FAM117A: variants seen among roughly 807,000 people sequenced by gnomAD.
FAM117A encodes the protein protein FAM117A.
FAM117A carries 21 observed loss-of-function variants against 44.1 expected under a neutral mutation model. That is an observed-to-expected ratio of 0.48 (90% confidence interval 0.34 to 0.69). FAM117A has a LOEUF of 0.69. FAM117A is among the 30% of genes least tolerant of loss of function. FAM117A has a pLI of 0.01. For synonymous variants in FAM117A, 220 were observed against 238.3 expected (o/e 0.92, Z 0.71); for missense variants, 498 against 589.9 (o/e 0.84, Z 1.61).
chr17:49,743,654 G>A (rs192204797), intron 1 of FAM117A, among the ~76,000 whole-genome samples: 54 of 151,860 alleles, frequency 3.6e-4, no homozygotes, highest in African/African-American at 1.2e-3. Flanking sequence ...GCATGAACCC[G>A]GGAGGTGGAG....
chr17:49,762,600 C>A (rs1444739329), intron 1 of FAM117A, among the ~76,000 whole-genome samples: 2 of 152,196 alleles, frequency 1.3e-5, no homozygotes, highest in Admixed American at 1.3e-4. Flanking sequence ...AATAGCCCTG[C>A]AGAAGCAGGA....
At chr17:49,768,981 C>A (rs149830109), upstream of FAM117A, among the ~76,000 whole-genome samples, 200 of 152,320 alleles carry the variant, frequency 1.3e-3, no homozygotes, top group African/African-American at 4.6e-3. Context: ...ACTTTCCTTG[C>A]TAAATGGCAG....
At chr17:49,754,022 C>T (rs1313547795) in intron 1 of FAM117A, among the ~76,000 whole-genome samples, 2 of 152,196 alleles carry the variant, frequency 1.3e-5, no homozygotes, top group Non-Finnish European at 2.9e-5. Context: ...ATGTGGTTCA[C>T]ATAGCCCTTC....
intron 1 of FAM117A, among the ~76,000 whole-genome samples, chr17:49,733,967 C>T (rs146985054): frequency 0.011 from 1,637 of 151,458 alleles, 32 homozygotes; most frequent in East Asian, 0.099. Flanking sequence ...ACGGTGAAGC[C>T]GCGTCTCTAC....
At chr17:49,788,667 C>A (rs763868130), upstream of FAM117A, 15 of 649,076 alleles carry the variant, frequency 2.3e-5, no homozygotes, top group Non-Finnish European at 2.9e-5. Context: ...AGCGCTTCAG[C>A]CCGCGGCGCC....
chr17:49,782,040 T>G (rs1043382429), intron 1 of FAM117A, among the ~76,000 whole-genome samples: 7 of 151,804 alleles, frequency 4.6e-5, no homozygotes, highest in African/African-American at 1.7e-4. Flanking sequence ...GCACATAAAA[T>G]GTATGCATGA....
At chr17:49,781,428 A>G (rs2143806685) in intron 1 of FAM117A, among the ~76,000 whole-genome samples, 1 of 152,348 alleles carries the variant, frequency 6.6e-6, no homozygotes, top group East Asian at 1.9e-4. Context: ...TGATGATGAC[A>G]CTGTAAATTG....
At chr17:49,748,657 GATTA>G (rs2073663161) in intron 1 of FAM117A, among the ~76,000 whole-genome samples, 1 of 152,110 alleles carries the variant, frequency 6.6e-6, no homozygotes, top group Non-Finnish European at 1.5e-5. Context: ...CCATGGTCAG[GATTA>G]ATTAAGTCTA....
intron 1 of FAM117A, among the ~76,000 whole-genome samples, chr17:49,745,359 A>G (rs1406869831): frequency 6.6e-6 from 1 of 152,248 alleles, no homozygotes; most frequent in Admixed American, 6.5e-5. Flanking sequence ...TCTATCAGGA[A>G]GAGTTGTCAA....
chr17:49,722,909 C>T (rs2073541962), intron 2 of FAM117A, among the ~76,000 whole-genome samples: 1 of 152,166 alleles, frequency 6.6e-6, no homozygotes, highest in African/African-American at 2.4e-5. Context: ...AGTATTGCCA[C>T]TCCTATCCCA....
rs941588574 is a variant in FAM117A at position 49,720,096 on chromosome 17, G to A, written c.574-202C>T. 4.4e-5 allele frequency: 32 copies of A among 730,970 alleles called. No homozygotes were observed. In the African/African-American group the frequency reaches 5.5e-4, roughly 13 times the overall value. The allele number at this position is 730,970 out of a possible 1,614,324, so 45.3% of individuals were successfully genotyped here. On this transcript the variant is annotated intron_variant, in intron 4 of 7. Transcript: ENST00000240364. ...AGCTTTGCAGAGTCTACTGTGTGCTGTAGAGTCATTGCCTCAATTATATGG... is the reference window on the plus strand; with the variant it reads ...AGCTTTGCAGAGTCTACTGTGTGCTATAGAGTCATTGCCTCAATTATATGG...
intron 1 of FAM117A, among the ~76,000 whole-genome samples, chr17:49,759,498 G>A (rs981714950): frequency 6.6e-6 from 1 of 152,180 alleles, no homozygotes; most frequent in African/African-American, 2.4e-5. Context: ...GTTTTAGAAG[G>A]GGAATTGTAG....
At chr17:49,784,235 A>G (rs2073798657) in intron 1 of FAM117A, among the ~76,000 whole-genome samples, 1 of 152,266 alleles carries the variant, frequency 6.6e-6, no homozygotes, top group African/African-American at 2.4e-5. Flanking sequence ...AAGTAAGGAA[A>G]TAACACAAGC....
chr17:49,723,265 C>G (rs1348398767), intron 2 of FAM117A, among the ~76,000 whole-genome samples: 1 of 152,122 alleles, frequency 6.6e-6, no homozygotes, highest in Non-Finnish European at 1.5e-5. Context: ...GATTCCTGAT[C>G]CCTCTTGGCC....
intron 1 of FAM117A, among the ~76,000 whole-genome samples, chr17:49,763,578 G>A (rs1462228447): frequency 2.1e-5 from 3 of 141,860 alleles, no homozygotes; most frequent in African/African-American, 8.0e-5. Context: ...CCCACCCCCT[G>A]CATCTTCCAC....
chr17:49,779,202 G>T (rs956371961), intron 1 of FAM117A, among the ~76,000 whole-genome samples: 1 of 152,230 alleles, frequency 6.6e-6, no homozygotes, highest in Non-Finnish European at 1.5e-5. Context: ...CTGAAGGCCA[G>T]GGAAGGATTT....
intron 1 of FAM117A, among the ~76,000 whole-genome samples, chr17:49,752,050 G>T (rs954048750): frequency 1.3e-5 from 2 of 151,786 alleles, no homozygotes; most frequent in African/African-American, 4.8e-5. Flanking sequence ...GAGCCCAGGA[G>T]TTTGAGACCA....
chr17:49,718,273 A>G (rs779336303), intron 5 of FAM117A, among the ~76,000 whole-genome samples: 2 of 152,220 alleles, frequency 1.3e-5, no homozygotes, highest in Non-Finnish European at 2.9e-5. Context: ...CAAATTCAAA[A>G]CCAACTAGTA....
At chr17:49,739,478 C>T (rs1361875862) in intron 1 of FAM117A, among the ~76,000 whole-genome samples, 1 of 152,170 alleles carries the variant, frequency 6.6e-6, no homozygotes, top group Admixed American at 6.5e-5. Context: ...TGAGATTGAC[C>T]TCAATAGAGA....
Sources: allele counts gnomAD v4.1 joint callset (sites outside exome capture counted in the v4.1 genomes callset), GRCh38; gene constraint gnomAD v4.1.1; transcripts MANE v1.5; gene names NCBI Gene and HGNC (gene_info 2026-07-23, HGNC 2026-07-21).